GLIS3: variants seen among roughly 807,000 people sequenced by gnomAD.
The protein encoded by GLIS3 is zinc finger protein GLIS3.
In GLIS3, 53 loss-of-function variants were observed where a neutral mutation model predicts 78.6. The observed-to-expected ratio is 0.67, with a 90% CI of 0.54 to 0.85. The LOEUF (loss-of-function observed/expected upper bound fraction) is 0.85. Ranked by LOEUF, GLIS3 falls within the 40% of genes least tolerant of loss-of-function variation. The pLI, the probability that GLIS3 is intolerant of heterozygous loss-of-function variation, is 0.00. For synonymous variants in GLIS3, 684 were observed against 509.9 expected (o/e 1.34, Z -4.60); for missense variants, 1,703 against 1,231.1 (o/e 1.38, Z -5.74).
chr9:4,019,827 G>A (rs1227508545), intron 4 of GLIS3, among the ~76,000 whole-genome samples: 1 of 152,146 alleles, frequency 6.6e-6, no homozygotes, highest in Non-Finnish European at 1.5e-5. Flanking sequence ...CGAAATCCTG[G>A]GTTCAAGCAA....
At chr9:3,972,882 G>C (rs1364260460) in intron 4 of GLIS3, among the ~76,000 whole-genome samples, 1 of 152,168 alleles carries the variant, frequency 6.6e-6, no homozygotes, top group Non-Finnish European at 1.5e-5. Context: ...ACGTTAGAAT[G>C]AGTCACGGTA....
the GLIS3 span, among the ~76,000 whole-genome samples, chr9:4,419,041 A>C: frequency 6.6e-6 from 1 of 152,212 alleles, no homozygotes; most frequent in Non-Finnish European, 1.5e-5. Context: ...TCATTAAGCA[A>C]TTAGATTAAA....
At chr9:4,033,286 C>T (rs906839714) in intron 4 of GLIS3, among the ~76,000 whole-genome samples, 1 of 152,144 alleles carries the variant, frequency 6.6e-6, no homozygotes, top group South Asian at 2.1e-4. Flanking sequence ...GTATTTCTCC[C>T]TCACCCAAAA....
the GLIS3 span, among the ~76,000 whole-genome samples, chr9:4,468,783 A>G: frequency 2.8e-4 from 42 of 152,222 alleles, no homozygotes; most frequent in African/African-American, 5.8e-4. Context: ...TTCACACATA[A>G]CAATATTAAC....
At chr9:4,141,233 G>C (rs1833790294) in intron 2 of GLIS3, among the ~76,000 whole-genome samples, 1 of 152,180 alleles carries the variant, frequency 6.6e-6, no homozygotes, top group African/African-American at 2.4e-5. Context: ...GAGAGAGGTG[G>C]GATTGCCCAA....
chr9:3,828,546 G>C (rs536051100), intron 10 of GLIS3, 138 bp from the exon 11 acceptor site: 225 of 1,089,068 alleles, frequency 2.1e-4, no homozygotes, highest in Non-Finnish European at 2.7e-4. Context: ...GCCCTATAGT[G>C]AGTCTCTGTT....
chr9:4,199,986 G>A (rs1009406955), intron 2 of GLIS3, among the ~76,000 whole-genome samples: 38 of 152,120 alleles, frequency 2.5e-4, no homozygotes, highest in African/African-American at 8.0e-4. Context: ...AATAAAAACA[G>A]AAATCAATAC....
chr9:4,366,414 G>A, the GLIS3 span, among the ~76,000 whole-genome samples: 2 of 152,160 alleles, frequency 1.3e-5, no homozygotes, highest in African/African-American at 4.8e-5. Context: ...CCTGGGATGG[G>A]AGGAAAGGAG....
At chr9:4,348,610 A>C (rs1454410471), upstream of GLIS3, among the ~76,000 whole-genome samples, 1 of 152,242 alleles carries the variant, frequency 6.6e-6, no homozygotes, top group Non-Finnish European at 1.5e-5. Flanking sequence ...AATATGGGTT[A>C]TCTTATTATG....
At chr9:4,417,470 T>C in the GLIS3 span, among the ~76,000 whole-genome samples, 1 of 152,230 alleles carries the variant, frequency 6.6e-6, no homozygotes, top group African/African-American at 2.4e-5. Flanking sequence ...TCTTTTCATA[T>C]AGTCACGTAC....
chr9:4,091,418 G>A (rs966832690), intron 4 of GLIS3, among the ~76,000 whole-genome samples: 1 of 151,982 alleles, frequency 6.6e-6, no homozygotes, highest in Non-Finnish European at 1.5e-5. Context: ...TTGGTACACG[G>A]TAAGCATTTT....
intron 2 of GLIS3, among the ~76,000 whole-genome samples, chr9:4,168,211 A>T (rs187237477): frequency 4.0e-4 from 61 of 152,200 alleles, no homozygotes; most frequent in Admixed American, 1.0e-3. Flanking sequence ...ACACACACAC[A>T]TACATACACT....
intron 4 of GLIS3, among the ~76,000 whole-genome samples, chr9:4,075,596 A>G (rs115806544): frequency 0.015 from 2,259 of 152,254 alleles, 57 homozygotes; most frequent in African/African-American, 0.052. Flanking sequence ...AAAACAAAAC[A>G]AAAAAGATAT....
At chr9:3,919,623 T>TGAACCTAAAAGTA (rs1824738957) in intron 6 of GLIS3, among the ~76,000 whole-genome samples, 1 of 148,402 alleles carries the variant, frequency 6.7e-6, no homozygotes, top group South Asian at 2.1e-4. Flanking sequence ...CATGTACCCC[T>TGAACCTAAAAGTA]GAACTTAAAG....
intron 6 of GLIS3, among the ~76,000 whole-genome samples, chr9:3,900,045 G>A (rs1383882607): frequency 3.3e-5 from 5 of 152,126 alleles, no homozygotes; most frequent in African/African-American, 1.2e-4. Flanking sequence ...CTACCCTGTG[G>A]TTGTGCGGAG....
chr9:4,115,738 C>G (rs773027268), intron 4 of GLIS3, among the ~76,000 whole-genome samples: 1 of 152,028 alleles, frequency 6.6e-6, no homozygotes, highest in Non-Finnish European at 1.5e-5. Context: ...ATATATAGCC[C>G]CAGAACTAGA....
chr9:4,084,256 A>AACACACACACACACAC (rs370384726), intron 4 of GLIS3, among the ~76,000 whole-genome samples: 1,757 of 132,090 alleles, frequency 0.013, 24 homozygotes, highest in Non-Finnish European at 0.015. Flanking sequence ...TCCTCTCTCT[A>AACACACACACACACAC]ACACACACAC....
At chr9:4,098,717 C>T (rs751222172) in intron 4 of GLIS3, among the ~76,000 whole-genome samples, 13 of 152,060 alleles carry the variant, frequency 8.5e-5, no homozygotes, top group Non-Finnish European at 1.5e-4. Context: ...TTCTGTTTAT[C>T]GTAAAAAGTT....
chr9:3,886,011 A>T (rs1159731632), intron 7 of GLIS3, among the ~76,000 whole-genome samples: 1 of 152,222 alleles, frequency 6.6e-6, no homozygotes, highest in Non-Finnish European at 1.5e-5. Flanking sequence ...AGCAGAAAAC[A>T]CTGAGCATAT....
Sources: gnomAD v4.1 joint callset for allele counts (sites outside exome capture counted in the v4.1 genomes callset) on GRCh38, gnomAD v4.1.1 for gene constraint, MANE v1.5 for transcripts, NCBI Gene and HGNC (gene_info 2026-07-23, HGNC 2026-07-21) for gene names.